Variants in LMF1 observed in about 807,000 individuals in gnomAD.
The protein encoded by LMF1 is transmembrane protein 112.
LMF1 carries 68 observed loss-of-function variants against 60.6 expected under a neutral mutation model. The ratio of observed to expected loss-of-function variants is 1.12; its 90% CI spans 0.92 to 1.37. LMF1 has a LOEUF of 1.37. LMF1 is among the 40% of genes most tolerant of loss of function. The probability of loss-of-function intolerance (pLI) is 0.00; values close to 1 mark genes in which losing one functional copy is unlikely to be tolerated. For missense variants in LMF1, 948 were observed against 767.2 expected (o/e 1.24, Z -2.78); for synonymous variants, 418 against 324.7 (o/e 1.29, Z -3.09).
chr16:871,542 G>A (rs946570569), intron 6 of LMF1: 13 of 598,658 alleles, frequency 2.2e-5, no homozygotes, highest in African/African-American at 3.7e-5. Context: ...GGTGCCTTCC[G>A]GCAGGTGCTT....
chr16:897,303 C>T lies in LMF1; in HGVS notation c.664-4231G>A, dbSNP rs1339782745. Among the ~76,000 whole-genome samples, 2 of 152,230 alleles carry T rather than the reference C, an allele frequency of 1.3e-5. No individual in the cohort carries two copies. Among genetic ancestry groups the T allele is most frequent in the Non-Finnish European group, 2.9e-5 (2 of 68,046 alleles). ...CTTGGCCCCCAGAGGCCGCCATCCACCCTGCAGCGACAGCCCCCTGTGTAC... is the reference window on the plus strand; with the variant it reads ...CTTGGCCCCCAGAGGCCGCCATCCATCCTGCAGCGACAGCCCCCTGTGTAC... On this transcript the variant is annotated intron_variant, in intron 4 of 10. Coordinates refer to ENST00000262301, the MANE Select transcript of LMF1 (RefSeq NM_022773.4). This position sits in a 1 kb window ranked among gnomAD's most constrained non-coding sequence, Gnocchi z 4.3.
At chr16:953,190 GCCTCCTACATGTCCACACA>G in intron 2 of LMF1, among the ~76,000 whole-genome samples, 1 of 93,360 alleles carries the variant, frequency 1.1e-5, no homozygotes, top group East Asian at 3.4e-4. Flanking sequence ...CCCCAAACCA[GCCTCCTACATGTCCACACA>G]GACACCCACC....
chr16:957,781 C>A (rs988880377), intron 1 of LMF1, among the ~76,000 whole-genome samples: 1 of 152,126 alleles, frequency 6.6e-6, no homozygotes. Context: ...ACACAGCCCC[C>A]CTGCCCCCGA....
Position 931,097 on chromosome 16 carries a change from G to T in LMF1, c.514+3147C>A, listed in dbSNP as rs549484518. On this transcript the variant is annotated intron_variant, in intron 3 of 10. Coordinates refer to ENST00000262301, the MANE Select transcript of LMF1 (RefSeq NM_022773.4). ...GATCGCACCACTGCTCTCCAGCCTG[G>T]GCGACAGAGCGAGACTCCATCTCAA... Among the ~76,000 whole-genome samples, 552 of 152,176 alleles carry T rather than the reference G, an allele frequency of 3.6e-3. 1 individual carries two copies. The highest frequency in any genetic ancestry group is 5.2e-3 in the South Asian group (25 of 4,820).
chr16:950,306 T>C (rs868816054), intron 2 of LMF1, among the ~76,000 whole-genome samples: 3 of 86,174 alleles, frequency 3.5e-5, no homozygotes, highest in South Asian at 5.0e-4. Context: ...AGTCAGCCAA[T>C]GACAGAGTCA....
chr16:916,877 G>A (rs1027008048), intron 3 of LMF1, among the ~76,000 whole-genome samples: 39 of 152,204 alleles, frequency 2.6e-4, no homozygotes, highest in African/African-American at 9.2e-4. Flanking sequence ...GTGTCCCCTC[G>A]CAGATCCTCT....
intron 6 of LMF1, chr16:872,469 T>C (rs2069827129): frequency 6.6e-6 from 1 of 152,202 alleles, no homozygotes; most frequent in South Asian, 2.1e-4. Flanking sequence ...CCCAAAACAG[T>C]TATTTCTTAT....
At chr16:884,106 C>T (rs954087612) in intron 5 of LMF1, 5 of 152,212 alleles carry the variant, frequency 3.3e-5, no homozygotes, top group Non-Finnish European at 5.9e-5. Context: ...TGTGAAATGG[C>T]CTCTTTACTC....
intron 1 of LMF1, among the ~76,000 whole-genome samples, chr16:966,282 G>GAGGC (rs1441831720): frequency 6.6e-6 from 1 of 152,184 alleles, no homozygotes; most frequent in Non-Finnish European, 1.5e-5. Context: ...ATCTGCCCCA[G>GAGGC]AGGCAGCAGG....
chr16:949,181 A>T (rs2072356976), intron 2 of LMF1, among the ~76,000 whole-genome samples: 1 of 151,458 alleles, frequency 6.6e-6, no homozygotes, highest in African/African-American at 2.4e-5. Context: ...TCAGCCAACG[A>T]CAGAGTCAGC....
chr16:958,252 C>G (rs939689522), intron 1 of LMF1, among the ~76,000 whole-genome samples: 2 of 152,146 alleles, frequency 1.3e-5, no homozygotes, highest in African/African-American at 4.8e-5. Flanking sequence ...TGAACTTTAT[C>G]AAACTGAAAA....
At chr16:949,312 G>A (rs1235871793) in intron 2 of LMF1, among the ~76,000 whole-genome samples, 5 of 142,708 alleles carry the variant, frequency 3.5e-5, no homozygotes, top group Admixed American at 2.1e-4. Context: ...CAGAGACAAC[G>A]ACAGAGTCAG....
At chr16:854,887 C>T in intron 10 of LMF1, 181 bp from the exon 11 acceptor site, 1 of 648,508 alleles carries the variant, frequency 1.5e-6, no homozygotes, top group South Asian at 1.8e-5. Context: ...GGCAACTGTT[C>T]CAGTCGGCAC....
chr16:936,682 C>T (rs1430129925), intron 2 of LMF1, among the ~76,000 whole-genome samples: 2 of 152,248 alleles, frequency 1.3e-5, no homozygotes, highest in Non-Finnish European at 2.9e-5. Context: ...ATCTTCCAAG[C>T]AACCGCTGTA....
chr16:900,689 G>GTC, intron 4 of LMF1: 1 of 134,436 alleles, frequency 7.4e-6, no homozygotes, highest in Non-Finnish European at 1.6e-5. Context: ...TTATGTGTGT[G>GTC]TGTGTGTGTG....
In LMF1 at chr16:854,482, T is replaced by C; in HGVS notation, c.*50A>G. The C allele has an allele frequency of 6.4e-7, 1 of 1,550,798 alleles. No individual in the cohort carries two copies. The highest frequency in any genetic ancestry group is 8.7e-7 in the Non-Finnish European group (1 of 1,148,606). On this transcript the variant is annotated 3_prime_UTR_variant, in exon 11 of 11. Coordinates refer to ENST00000262301, the MANE Select transcript of LMF1 (RefSeq NM_022773.4). ...GGCTGGGCGCAGGGAAGGGCAAACG[T>C]TGCTGAGCCGCCGAGGGGCTGGGTC...
At chr16:912,983 C>T (rs946054608) in intron 3 of LMF1, among the ~76,000 whole-genome samples, 4 of 152,366 alleles carry the variant, frequency 2.6e-5, no homozygotes, top group South Asian at 4.1e-4. Context: ...CTGCCTGAAG[C>T]GAGCCCCAGG....
intron 5 of LMF1, among the ~76,000 whole-genome samples, chr16:882,507 G>A (rs2070188536): frequency 6.6e-6 from 1 of 152,254 alleles, no homozygotes; most frequent in African/African-American, 2.4e-5. Context: ...TCCAGTACAA[G>A]TGAAGCCTTC....
chr16:854,990 G>T (rs751530502), intron 10 of LMF1: 2 of 528,424 alleles, frequency 3.8e-6, no homozygotes, highest in Non-Finnish European at 6.9e-6. Context: ...CAGAGGGACC[G>T]GCCCGGGGAA....
Sources: gnomAD v4.1 joint callset for allele counts (sites outside exome capture counted in the v4.1 genomes callset) on GRCh38, gnomAD v4.1.1 for gene constraint, Gnocchi (gnomAD v3.1) non-coding constraint, MANE v1.5 for transcripts, NCBI Gene and HGNC (gene_info 2026-07-23, HGNC 2026-07-21) for gene names.